Variants in ZC3H14 observed in about 807,000 individuals in gnomAD.
ZC3H14 encodes zinc finger CCCH-type containing 14.
In ZC3H14, 31 loss-of-function variants were observed where a neutral mutation model predicts 92.4. The ratio of observed to expected loss-of-function variants is 0.34; its 90% CI spans 0.25 to 0.45. ZC3H14 has a LOEUF of 0.45. Among genes scored for constraint, ZC3H14 ranks in the 20% least tolerant of loss-of-function variants. ZC3H14 has a pLI of 1.00. For missense variants in ZC3H14, 781 were observed against 897.3 expected (o/e 0.87, Z 1.66); for synonymous variants, 321 against 300.9 (o/e 1.07, Z -0.69).
intron 9 of ZC3H14, chr14:88,591,702 A>G (rs1184584154): frequency 2.6e-5 from 4 of 152,200 alleles, no homozygotes; most frequent in Non-Finnish European, 5.9e-5. Flanking sequence ...GTCGTCTTCT[A>G]GGCATTTCTT....
At position 88,571,136 on chromosome 14, in the gene ZC3H14, A is replaced by ATC. The variant is rs1461369059; in HGVS notation, c.235+12_235+13insTC. On this transcript the variant is annotated intron_variant, in intron 4 of 16. Transcript: ENST00000251038. ...CTCTGTTACAACTGGTAAGATTCATAACTTTTTTTTTTAATTTCTGCTTGC... is the reference window on the plus strand; with the variant it reads ...CTCTGTTACAACTGGTAAGATTCATATCACTTTTTTTTTTAATTTCTGCTTGC... The ATC allele has an allele frequency of 7.0e-7, 1 of 1,425,708 alleles. No individual in the cohort carries two copies. Among genetic ancestry groups the ATC allele is most frequent in the Non-Finnish European group, 9.6e-7 (1 of 1,037,114 alleles). 88.3% of individuals were successfully genotyped at this position (1,425,708 alleles called of 1,614,324 possible).
Position 88,610,377 on chromosome 14 carries a change from G to A in ZC3H14, c.2098-457G>A, listed in dbSNP as rs567761557. 3.3e-5 allele frequency among the ~76,000 whole-genome samples: 5 copies of A among 152,272 alleles called. No homozygotes were observed. The South Asian group carries it at 1.0e-3, about 32-fold the overall frequency. ...ACTACCTTTTGAAATTGTACTTGCT[G>A]TGATTCTTTGACTAGAATTTTGTGT... On this transcript the variant is annotated intron_variant, in intron 15 of 16. Transcript: ENST00000251038.
rs548838054 is a variant in ZC3H14 at position 88,626,576 on chromosome 14, C to T, written c.*14825C>T. ...AGGCTACAGTGAGCTATAATCGCAC[C>T]ATTGCACCCCAGCCCAGGCGACAGA... On this transcript the variant is annotated 3_prime_UTR_variant, in exon 17 of 17. Coordinates refer to ENST00000251038, the MANE Select transcript of ZC3H14 (RefSeq NM_024824.5). 1,097 of 430,664 alleles carry T rather than the reference C, an allele frequency of 2.5e-3. 23 individuals are homozygous for T. The South Asian group carries it at 0.027, about 11-fold the overall frequency. 26.7% of individuals were successfully genotyped at this position (430,664 alleles called of 1,614,324 possible). A position where few individuals can be genotyped will look rare whatever the true frequency, so the allele number is the denominator to read the frequency against.
intron 13 of ZC3H14, chr14:88,608,934 C>T (rs2086076972): frequency 3.2e-6 from 1 of 310,034 alleles, no homozygotes; most frequent in Non-Finnish European, 6.1e-6. Flanking sequence ...ATCACAAAGC[C>T]TTGCATAGAG....
intron 2 of ZC3H14, among the ~76,000 whole-genome samples, chr14:88,565,043 A>G (rs2079386686): frequency 6.6e-6 from 1 of 152,228 alleles, no homozygotes; most frequent in East Asian, 1.9e-4. Context: ...AATGAAAATT[A>G]GAATTTTGGA....
intron 12 of ZC3H14, among the ~76,000 whole-genome samples, chr14:88,605,592 C>T (rs1018651914): frequency 2.6e-5 from 4 of 152,210 alleles, no homozygotes; most frequent in African/African-American, 9.7e-5. Context: ...CCTCGGCCTC[C>T]CAAAGTGCTG....
chr14:88,582,626 A>G (rs2082030089), intron 9 of ZC3H14, among the ~76,000 whole-genome samples: 1 of 152,152 alleles, frequency 6.6e-6, no homozygotes. Context: ...TTTGACTTGG[A>G]TGGTAGTCAG....
chr14:88,595,230 T>C (rs974660697), intron 9 of ZC3H14: 4 of 1,517,948 alleles, frequency 2.6e-6, no homozygotes, highest in African/African-American at 2.8e-5. Flanking sequence ...GAATTTTTCA[T>C]GGACCTTTAA....
rs930318411 is a variant in ZC3H14 at position 88,613,347 on chromosome 14, G to T, written c.*1596G>T. ...TGAGATGCTTTGCATCTCTGCAGAAGAAATTTATTTTAAATTGTTTAAATA... is the reference window on the plus strand; with the variant it reads ...TGAGATGCTTTGCATCTCTGCAGAATAAATTTATTTTAAATTGTTTAAATA... On this transcript the variant is annotated 3_prime_UTR_variant, in exon 17 of 17. Coordinates refer to ENST00000251038, the MANE Select transcript of ZC3H14 (RefSeq NM_024824.5). 2.0e-5 allele frequency: 3 copies of T among 152,096 alleles called. No individual in the cohort carries two copies. The highest frequency in any genetic ancestry group is 6.6e-5 in the Admixed American group (1 of 15,266). 9.4% of individuals were successfully genotyped at this position (152,096 alleles called of 1,614,324 possible).
Position 88,563,712 on chromosome 14 carries a change from G to T in ZC3H14, c.79+19G>T, listed in dbSNP as rs201210664. ...TATGTTGGTAAGTGTTTTTTTGGTTGTTAGTCTTACAGAATTTAGAGTTTG... is the reference window on the plus strand; with the variant it reads ...TATGTTGGTAAGTGTTTTTTTGGTTTTTAGTCTTACAGAATTTAGAGTTTG... On this transcript the variant is annotated intron_variant, in intron 2 of 16. Transcript: ENST00000251038. 572 of 1,610,864 alleles carry T rather than the reference G, an allele frequency of 3.6e-4. 2 individuals carry two copies. Among genetic ancestry groups the T allele is most frequent in the Middle Eastern group, 9.9e-4 (6 of 6,080 alleles).
Position 88,621,146 on chromosome 14 carries a change from A to G in ZC3H14, c.*9395A>G. On this transcript the variant is annotated 3_prime_UTR_variant, in exon 17 of 17. Coordinates refer to ENST00000251038, the MANE Select transcript of ZC3H14 (RefSeq NM_024824.5). Reference sequence around the variant, plus strand: ...CAATATCCCAAAGTCTCACTGTCCCATCTTCTGCAGCAGAAAGGAAAAAAT... The same window carrying G: ...CAATATCCCAAAGTCTCACTGTCCCGTCTTCTGCAGCAGAAAGGAAAAAAT... 1 of 1,613,868 alleles carries G rather than the reference A, an allele frequency of 6.2e-7. No individual in the cohort carries two copies. The highest frequency in any genetic ancestry group is 8.5e-7 in the Non-Finnish European group (1 of 1,179,860).
At chr14:88,599,274 C>T (rs2084270414) in intron 10 of ZC3H14, among the ~76,000 whole-genome samples, 1 of 152,204 alleles carries the variant, frequency 6.6e-6, no homozygotes. Context: ...CCTTAGAATT[C>T]AGCTTTTACA....
chr14:88,574,925 A>G lies in ZC3H14; in HGVS notation c.1022+72A>G. The G allele has an allele frequency of 2.5e-6, 4 of 1,604,658 alleles. No homozygotes were observed. In the Admixed American group the frequency reaches 6.7e-5, roughly 27 times the overall value. The stretch of plus-strand genomic sequence containing the variant: ...GTCTTCCTGATTTATTGAAGAGAAT[A>G]ATCACGAAAATAATTTTTGTTTGTT... On this transcript the variant is annotated intron_variant, in intron 7 of 16. Coordinates refer to ENST00000251038, the MANE Select transcript of ZC3H14 (RefSeq NM_024824.5).
In ZC3H14 at chr14:88,618,871, G is replaced by T; in HGVS notation, c.*7120G>T. On this transcript the variant is annotated 3_prime_UTR_variant, in exon 17 of 17. Transcript: ENST00000251038. ...CACATGAAGTATTATAAATACTTAAGATCAGTGACTTTTCCTTTCTAGTTC... is the reference window on the plus strand; with the variant it reads ...CACATGAAGTATTATAAATACTTAATATCAGTGACTTTTCCTTTCTAGTTC... The T allele has an allele frequency of 2.1e-6, 3 of 1,462,120 alleles. No individual in the cohort carries two copies. The highest frequency in any genetic ancestry group is 2.7e-6 in the Non-Finnish European group (3 of 1,100,574). The allele number at this position is 1,462,120 out of a possible 1,614,324, so 90.6% of individuals were successfully genotyped here.
Position 88,574,805 on chromosome 14 carries a change from C to A in ZC3H14, c.974C>A (p.Thr325Lys), listed in dbSNP as rs1416524284. 6.2e-7 allele frequency: 1 copy of A among 1,614,052 alleles called. No individual in the cohort carries two copies. The highest frequency in any genetic ancestry group is 8.5e-7 in the Non-Finnish European group (1 of 1,180,032). The change falls in exon 7 of 17, where the codon ACA (threonine) becomes AAA (lysine). Residue 325 changes from threonine to lysine, a missense_variant. Transcript: ENST00000251038. ...GAAGATGATGATTACGGGTCTCGAA[C>A]AGGAAGCATCTCCAGCAGTGTGTCT... ...EEEDDDYGSR[T>K]GSISSSVSVP...
intron 5 of ZC3H14, 130 bp downstream of exon 5, chr14:88,572,355 T>C: frequency 5.2e-6 from 6 of 1,157,228 alleles, no homozygotes; most frequent in Non-Finnish European, 7.4e-6. Context: ...TGAGTAGTTT[T>C]TTGAATAAAA....
rs138364408 is a variant in ZC3H14, at chr14:88,612,213, C to T, written c.*462C>T. 5.7e-5 allele frequency: 9 copies of T among 158,208 alleles called. No individual in the cohort carries two copies. In the East Asian group the frequency reaches 1.5e-3, roughly 26 times the overall value. The allele number at this position is 158,208 out of a possible 1,614,324, so 9.8% of individuals were successfully genotyped here. A position where few individuals can be genotyped will look rare whatever the true frequency, so the allele number is the denominator to read the frequency against. The stretch of plus-strand genomic sequence containing the variant: ...TGTTCATAATCCACCATGAAAACAG[C>T]ATTGGCCAAAGGTACTGAGGCTGCT... On this transcript the variant is annotated 3_prime_UTR_variant, in exon 17 of 17. Coordinates refer to ENST00000251038, the MANE Select transcript of ZC3H14 (RefSeq NM_024824.5).
At position 88,617,575 on chromosome 14, in the gene ZC3H14, C is replaced by T. The variant is rs2140249104; in HGVS notation, c.*5824C>T. The T allele has an allele frequency of 6.6e-6, 1 of 152,396 alleles. No homozygotes were observed. The highest frequency in any genetic ancestry group is 2.1e-4 in the South Asian group (1 of 4,824). 9.4% of individuals were successfully genotyped at this position (152,396 alleles called of 1,614,324 possible). On this transcript the variant is annotated 3_prime_UTR_variant, in exon 17 of 17. Transcript: ENST00000251038. ...CTTGAGGCCAAGAGTTTGAGACCAG[C>T]CTGGGCAATATTGTGAGATCCCTAT...
At chr14:88,580,187 A>G (rs1480064600) in intron 9 of ZC3H14, among the ~76,000 whole-genome samples, 1 of 150,052 alleles carries the variant, frequency 6.7e-6, no homozygotes, top group Non-Finnish European at 1.5e-5. Context: ...CGATCATACC[A>G]TTGCCCTCCA....
Sources: allele counts gnomAD v4.1 joint callset (sites outside exome capture counted in the v4.1 genomes callset), GRCh38; gene constraint gnomAD v4.1.1; transcripts MANE v1.5; gene names NCBI Gene and HGNC (gene_info 2026-07-23, HGNC 2026-07-21).